Variants in EPCIP observed in about 807,000 individuals in gnomAD.
EPCIP encodes exosomal polycystin-1-interacting protein.
the EPCIP span, among the ~76,000 whole-genome samples, chr21:32,804,796 A>G: frequency 2.0e-5 from 3 of 152,200 alleles, no homozygotes; most frequent in African/African-American, 4.8e-5. Context: ...ATTATTAGTG[A>G]GCTAGTCTGG....
At chr21:32,804,316 A>G in the EPCIP span, among the ~76,000 whole-genome samples, 1 of 146,676 alleles carries the variant, frequency 6.8e-6, no homozygotes, top group Non-Finnish European at 1.5e-5. Context: ...TATATTATTT[A>G]TTTATTTTGT....
the EPCIP span, chr21:32,797,546 G>C: frequency 3.2e-5 from 5 of 155,256 alleles, no homozygotes; most frequent in South Asian, 2.0e-4. Context: ...CACTGCACTC[G>C]GCTGTACCGT....
the EPCIP span, among the ~76,000 whole-genome samples, chr21:32,795,578 G>A: frequency 6.6e-6 from 1 of 152,226 alleles, no homozygotes; most frequent in East Asian, 1.9e-4. Context: ...TGCGACCTCT[G>A]AGTGGGAGGG....
the EPCIP span, among the ~76,000 whole-genome samples, chr21:32,813,146 A>G: frequency 4.0e-4 from 61 of 152,284 alleles, 1 homozygote; most frequent in South Asian, 5.4e-3. Flanking sequence ...TGTGATCACA[A>G]TAAGGAAAAG....
At chr21:32,794,992 C>T in the EPCIP span, among the ~76,000 whole-genome samples, 2 of 152,204 alleles carry the variant, frequency 1.3e-5, no homozygotes, top group African/African-American at 2.4e-5. Context: ...CTACCTATTA[C>T]ACAACATAGC....
At chr21:32,795,944 C>CCTTCATTT in the EPCIP span, among the ~76,000 whole-genome samples, 2 of 151,728 alleles carry the variant, frequency 1.3e-5, no homozygotes, top group Non-Finnish European at 2.9e-5. Context: ...TTCCTTCCTT[C>CCTTCATTT]CTTCATTTCT....
At chr21:32,798,988 G>GAAATAAATAACCAAATAAGT in the EPCIP span, 1 of 152,034 alleles carries the variant, frequency 6.6e-6, no homozygotes, top group Non-Finnish European at 1.5e-5. Flanking sequence ...TAATAATAAT[G>GAAATAAATAACCAAATAAGT]AAATAAATAA....
At chr21:32,807,590 G>T in the EPCIP span, 1 of 152,288 alleles carries the variant, frequency 6.6e-6, no homozygotes, top group Non-Finnish European at 1.5e-5. Flanking sequence ...CTCCCAAAGT[G>T]CTGGGATTAC....
chr21:32,809,288 C>CTTTCTTTCT, the EPCIP span, among the ~76,000 whole-genome samples: 1 of 116,774 alleles, frequency 8.6e-6, no homozygotes, highest in Non-Finnish European at 1.8e-5. Flanking sequence ...TCCTTTCTTT[C>CTTTCTTTCT]TTTCTTTCTT....
At chr21:32,813,101 AGCCG>A in the EPCIP span, among the ~76,000 whole-genome samples, 1 of 152,214 alleles carries the variant, frequency 6.6e-6, no homozygotes. Context: ...AAACAGTATC[AGCCG>A]GTGTTTTGGG....
At chr21:32,811,921 T>C in the EPCIP span, among the ~76,000 whole-genome samples, 1 of 152,226 alleles carries the variant, frequency 6.6e-6, no homozygotes, top group African/African-American at 2.4e-5. Context: ...ACATGTTCTC[T>C]TGCCCTTTCA....
At chr21:32,799,539 C>A in the EPCIP span, among the ~76,000 whole-genome samples, 1 of 152,216 alleles carries the variant, frequency 6.6e-6, no homozygotes, top group Admixed American at 6.5e-5. Flanking sequence ...TAACTCAGAT[C>A]TATACTTGAG....
the EPCIP span, chr21:32,797,084 G>T: frequency 1.0e-3 from 458 of 457,594 alleles, no homozygotes; most frequent in Non-Finnish European, 1.3e-3. Flanking sequence ...TAGACCTCAG[G>T]ATGGTCCCTG....
At chr21:32,806,646 A>G in the EPCIP span, among the ~76,000 whole-genome samples, 1 of 152,188 alleles carries the variant, frequency 6.6e-6, no homozygotes, top group Non-Finnish European at 1.5e-5. Context: ...GATTAAATTG[A>G]TTGAATCATA....
At chr21:32,799,336 T>C in the EPCIP span, among the ~76,000 whole-genome samples, 1 of 152,208 alleles carries the variant, frequency 6.6e-6, no homozygotes, top group African/African-American at 2.4e-5. Context: ...TATTCAGATT[T>C]TCAAATTGGC....
At chr21:32,812,609 A>G in the EPCIP span, among the ~76,000 whole-genome samples, 1 of 152,022 alleles carries the variant, frequency 6.6e-6, no homozygotes, top group African/African-American at 2.4e-5. Flanking sequence ...TTCCAAACAT[A>G]TTGCATTATT....
At chr21:32,792,918 T>TTA in the EPCIP span, among the ~76,000 whole-genome samples, 18 of 18,690 alleles carry the variant, frequency 9.6e-4, no homozygotes, top group African/African-American at 2.5e-3. Flanking sequence ...TATTATTATT[T>TTA]TTTTTTTTTT....
At chr21:32,808,264 G>A in the EPCIP span, among the ~76,000 whole-genome samples, 1 of 150,774 alleles carries the variant, frequency 6.6e-6, no homozygotes, top group African/African-American at 2.4e-5. Context: ...AGGAAAATGA[G>A]TCAGACACTA....
At chr21:32,808,970 C>T in the EPCIP span, among the ~76,000 whole-genome samples, 4 of 152,054 alleles carry the variant, frequency 2.6e-5, no homozygotes, top group African/African-American at 4.8e-5. Context: ...TGGGCTAAAC[C>T]GAGTGCCCAT....
Sources: gnomAD v4.1 joint callset for allele counts (sites outside exome capture counted in the v4.1 genomes callset) on GRCh38, gnomAD v4.1.1 for gene constraint, MANE v1.5 for transcripts, NCBI Gene and HGNC (gene_info 2026-07-23, HGNC 2026-07-21) for gene names.